Variants in CTNNAL1 observed in about 807,000 individuals in gnomAD.
CTNNAL1 encodes the protein alpha-catulin.
A neutral mutation model predicts 93.6 loss-of-function variants in CTNNAL1; 69 were observed. The observed-to-expected ratio is 0.74, with a 90% CI of 0.61 to 0.90. CTNNAL1 has a LOEUF of 0.90. Ranked by LOEUF, CTNNAL1 falls within the 40% of genes least tolerant of loss-of-function variation. The pLI, the probability that CTNNAL1 is intolerant of heterozygous loss-of-function variation, is 0.00. For synonymous variants in CTNNAL1, 286 were observed against 305.4 expected (o/e 0.94, Z 0.66); for missense variants, 836 against 862.0 (o/e 0.97, Z 0.38).
At chr9:108,984,206 T>C in intron 5 of CTNNAL1, 141 bp downstream of exon 5, 1 of 560,448 alleles carries the variant, frequency 1.8e-6, no homozygotes, top group Non-Finnish European at 3.2e-6. Context: ...TTATAAATAA[T>C]AACTGAGATT....
At chr9:108,943,132 T>A in intron 17 of CTNNAL1, 88 bp from the exon 18 acceptor site, 1 of 1,203,824 alleles carries the variant, frequency 8.3e-7, no homozygotes, top group Non-Finnish European at 1.2e-6. Flanking sequence ...TGATAAAATT[T>A]CTCCATATGG....
rs777436473 is a variant in CTNNAL1 at position 108,979,351 on chromosome 9, T to C, written c.1031A>G (p.Glu344Gly). 1.2e-6 allele frequency: 2 copies of C among 1,614,168 alleles called. No homozygotes were observed. Among genetic ancestry groups the C allele is most frequent in the South Asian group, 2.2e-5 (2 of 91,084 alleles). Residue 344 changes from glutamate to glycine, a missense_variant, in exon 7 of 19, where the codon GAA (glutamate) becomes GGA (glycine). Physicochemically the swap from Glu to Gly is moderately conservative, Grantham distance 98 (BLOSUM62 -2). Transcript: ENST00000325551. ...CTGAGTTGACAGTTCCAAGATGCGT[T>C]CTCTGTGCTCATGGCTGGTGTAGGC... is the stretch of plus-strand genomic sequence containing the variant. ...DSAYTSHEHR[E>G]RILELSTQAR...
In CTNNAL1 at chr9:108,972,729, T is replaced by A; in HGVS notation, c.1293A>T (p.Glu431Asp). Residue 431 changes from glutamate to aspartate, a missense_variant, in exon 9 of 19, where the codon GAA becomes GAT. Glu to Asp is a conservative substitution (Grantham distance 45). Coordinates refer to ENST00000325551, the MANE Select transcript of CTNNAL1 (RefSeq NM_003798.4). ...LKLTGVEGNL[E>D]ALAEYACKLS... The stretch of plus-strand genomic sequence containing the variant: ...GTTTACAGGCATATTCAGCCAAAGC[T>A]TCTAAATTTCCTTCTACTCCAGTAA... 2 of 1,614,004 alleles carry A rather than the reference T, an allele frequency of 1.2e-6. No homozygotes were observed. The highest frequency in any genetic ancestry group is 1.7e-4 in the Middle Eastern group (1 of 6,060).
In CTNNAL1 at chr9:109,013,284, C is replaced by T. The variant is rs942634420; in HGVS notation, c.141+18G>A. ...GCGGCGGGAAGGAGAAGAGGGGCCG[C>T]GCCAGGCGCCACTTTACCTGAGAAA... On this transcript the variant is annotated intron_variant, in intron 1 of 18. Coordinates refer to ENST00000325551, the MANE Select transcript of CTNNAL1 (RefSeq NM_003798.4). 5 of 1,481,820 alleles carry T rather than the reference C, an allele frequency of 3.4e-6. No individual in the cohort carries two copies. The highest frequency in any genetic ancestry group is 3.6e-6 in the Non-Finnish European group (4 of 1,115,582). The allele number at this position is 1,481,820 out of a possible 1,614,324, so 91.8% of individuals were successfully genotyped here. A position where few individuals can be genotyped will look rare whatever the true frequency, so the allele number is the denominator to read the frequency against.
intron 2 of CTNNAL1, among the ~76,000 whole-genome samples, chr9:108,993,564 A>G (rs1831897249): frequency 6.6e-6 from 1 of 152,070 alleles, no homozygotes; most frequent in South Asian, 2.1e-4. Context: ...TGAACTCCCA[A>G]CCCTCTAGAA....
At chr9:108,972,868 G>GGGGGGCCCCCCCGGGC in intron 8 of CTNNAL1, 35 bp from the exon 9 acceptor site, 1 of 1,092,792 alleles carries the variant, frequency 9.2e-7, no homozygotes, top group Non-Finnish European at 1.2e-6. Flanking sequence ...GGGTGGGAGG[G>GGGGGGCCCCCCCGGGC]TGGAGAAGGA....
At chr9:108,962,783 AT>A (rs2132114200) in intron 11 of CTNNAL1, among the ~76,000 whole-genome samples, 1 of 152,296 alleles carries the variant, frequency 6.6e-6, no homozygotes, top group Non-Finnish European at 1.5e-5. Context: ...CTTGTTGAGA[AT>A]TTACTGTGAA....
intron 14 of CTNNAL1, among the ~76,000 whole-genome samples, chr9:108,950,348 C>CA (rs1016931025): frequency 2.6e-5 from 4 of 152,142 alleles, no homozygotes; most frequent in African/African-American, 9.7e-5. Context: ...TGGGAAGACT[C>CA]AATCACAGGA....
Position 108,950,531 on chromosome 9 carries a change from GA to G in CTNNAL1, c.1835+1677del, listed in dbSNP as rs1830531592. 3 of 1,550,364 alleles carry G rather than the reference GA, an allele frequency of 1.9e-6. No homozygotes were observed. In the East Asian group the frequency reaches 7.3e-5, roughly 38 times the overall value. ...GAGAATTATCTATCTAGAAAAGGTAGAAGACGTCATCAAGAGGAAAATGATG... is the reference window on the plus strand; with the variant it reads ...GAGAATTATCTATCTAGAAAAGGTAGAGACGTCATCAAGAGGAAAATGATG... On this transcript the variant is annotated intron_variant, in intron 14 of 18. Coordinates refer to ENST00000325551, the MANE Select transcript of CTNNAL1 (RefSeq NM_003798.4).
intron 11 of CTNNAL1, among the ~76,000 whole-genome samples, chr9:108,964,835 C>CTGTT (rs1177030014): frequency 1.4e-5 from 2 of 141,958 alleles, no homozygotes; most frequent in Non-Finnish European, 3.1e-5. Context: ...ATCTACTATG[C>CTGTT]TGTTTGTTTT....
In CTNNAL1 at chr9:108,977,040, C is replaced by A; in HGVS notation, c.1110G>T (p.Lys370Asn). The A allele has an allele frequency of 6.6e-7, 1 of 1,514,508 alleles. No individual in the cohort carries two copies. The highest frequency in any genetic ancestry group is 1.3e-5 in the South Asian group (1 of 77,828). The allele number at this position is 1,514,508 out of a possible 1,614,324, so 93.8% of individuals were successfully genotyped here. A position where few individuals can be genotyped will look rare whatever the true frequency, so the allele number is the denominator to read the frequency against. ...GTTCTTCAGCGATGCTTTTTGTTTT[C>A]TTGCTTTGCTAAAAATTTTAAAAAG... ...LISVWIQAQSKKTKSIAEELE... is the reference protein window; with the variant it reads ...LISVWIQAQSNKTKSIAEELE... The change falls in exon 8 of 19, where the codon AAG (lysine) becomes AAT (asparagine). Residue 370 changes from lysine to asparagine, a missense_variant. Lys to Asn is a moderately conservative substitution (Grantham distance 94). Transcript: ENST00000325551.
At chr9:109,006,391 T>C (rs1159620044) in intron 1 of CTNNAL1, among the ~76,000 whole-genome samples, 1 of 152,182 alleles carries the variant, frequency 6.6e-6, no homozygotes, top group Non-Finnish European at 1.5e-5. Flanking sequence ...AAATCTGAAA[T>C]TTGAAGAAGT....
rs750784153 is a variant in CTNNAL1, at chr9:108,990,781, CTGAA to C, written c.580_583del (p.Phe194ValfsTer13). 2.5e-6 allele frequency: 4 copies of C among 1,613,758 alleles called. No individual in the cohort carries two copies. The Admixed American group carries it at 5.0e-5, about 20-fold the overall frequency. On this transcript the variant is annotated frameshift_variant, in exon 4 of 19. Coordinates refer to ENST00000325551, the MANE Select transcript of CTNNAL1 (RefSeq NM_003798.4). LOFTEE classifies it high-confidence loss of function. The stretch of plus-strand genomic sequence containing the variant: ...CTCCACCATTTCATTTCCAAATTGA[CTGAA>C]TATTTGGACAAACTCTTGAAAGCTA...
intron 11 of CTNNAL1, among the ~76,000 whole-genome samples, chr9:108,961,205 T>G (rs1219588420): frequency 6.6e-6 from 1 of 152,104 alleles, no homozygotes; most frequent in African/African-American, 2.4e-5. Flanking sequence ...CAAAGAGAAA[T>G]CAGGACCTGA....
chr9:109,010,937 C>T (rs1425280629), intron 1 of CTNNAL1, among the ~76,000 whole-genome samples: 2 of 152,208 alleles, frequency 1.3e-5, no homozygotes, highest in Admixed American at 6.5e-5. Context: ...TTTGCATGTG[C>T]TGTTCTATAC....
intron 1 of CTNNAL1, among the ~76,000 whole-genome samples, chr9:109,012,924 C>T (rs1273983652): frequency 6.6e-6 from 1 of 152,154 alleles, no homozygotes; most frequent in Non-Finnish European, 1.5e-5. Context: ...CGAGGGGCCC[C>T]GCGGGGGTCC....
intron 10 of CTNNAL1, among the ~76,000 whole-genome samples, chr9:108,968,485 C>G (rs1480691443): frequency 6.6e-6 from 1 of 152,180 alleles, no homozygotes; most frequent in African/African-American, 2.4e-5. Flanking sequence ...ATAGGAGCAA[C>G]AACTGATTGC....
At chr9:108,992,067 T>G (rs1201244548) in intron 3 of CTNNAL1, 1 of 768,948 alleles carries the variant, frequency 1.3e-6, no homozygotes, top group Non-Finnish European at 2.4e-6. Flanking sequence ...ATTGTTAGTC[T>G]CTGATTTGGG....
Position 108,991,955 on chromosome 9 carries a change from G to A in CTNNAL1, c.519+677C>T, listed in dbSNP as rs867289964. ...GGAAGAGTTTAAATCTGTTCTGTAA[G>A]TTTTGAGATTATTCAGTAACATTTA... is the stretch of plus-strand genomic sequence containing the variant. On this transcript the variant is annotated intron_variant, in intron 3 of 18. Coordinates refer to ENST00000325551, the MANE Select transcript of CTNNAL1 (RefSeq NM_003798.4). 5 of 684,428 alleles carry A rather than the reference G, an allele frequency of 7.3e-6. No homozygotes were observed. In the Middle Eastern group the frequency reaches 9.5e-4, roughly 130 times the overall value. 42.4% of individuals were successfully genotyped at this position (684,428 alleles called of 1,614,324 possible).
Sources: allele counts gnomAD v4.1 joint callset (sites outside exome capture counted in the v4.1 genomes callset), GRCh38; gene constraint gnomAD v4.1.1; transcripts MANE v1.5; gene names NCBI Gene and HGNC (gene_info 2026-07-23, HGNC 2026-07-21).